DNAJB4: variants seen among roughly 807,000 people sequenced by gnomAD.
DNAJB4 encodes the protein dnaJ homolog subfamily B member 4.
Under a neutral mutation model 26.6 loss-of-function variants are expected in DNAJB4, and 10 were observed. The observed-to-expected ratio is 0.38, with a 90% CI of 0.23 to 0.64. The LOEUF (loss-of-function observed/expected upper bound fraction) is 0.64, where lower values mean the gene tolerates loss of function less well. Among genes scored for constraint, DNAJB4 ranks in the 30% least tolerant of loss-of-function variants. The probability of loss-of-function intolerance (pLI) is 0.58; values close to 1 mark genes in which losing one functional copy is unlikely to be tolerated. For missense variants in DNAJB4, 328 were observed against 408.2 expected (o/e 0.80, Z 1.69); for synonymous variants, 136 against 134.8 (o/e 1.01, Z -0.06).
intron 2 of DNAJB4, among the ~76,000 whole-genome samples, chr1:78,015,040 G>T (rs1660597988): frequency 6.6e-6 from 1 of 152,170 alleles, no homozygotes; most frequent in East Asian, 1.9e-4. Flanking sequence ...AAGGGGTTAA[G>T]TTGGGTGCTC....
At chr1:77,996,609 C>T (rs1453963174) in intron 1 of DNAJB4, among the ~76,000 whole-genome samples, 2 of 151,864 alleles carry the variant, frequency 1.3e-5, no homozygotes, top group Non-Finnish European at 2.9e-5. Flanking sequence ...TTAAAGACCA[C>T]TAGACAAAAA....
chr1:78,013,145 CG>C lies in DNAJB4; in HGVS notation c.308del (p.Gly103GlufsTer25), dbSNP rs769068282. 6 of 1,613,958 alleles carry C rather than the reference CG, an allele frequency of 3.7e-6. No homozygotes were observed. The highest frequency in any genetic ancestry group is 5.1e-6 in the Non-Finnish European group (6 of 1,180,008). The stretch of plus-strand genomic sequence containing the variant: ...CTCATGCTACATTTGCTGCATTTTT[CG>C]GAGGGTCCAACCCCTTTGAAATTTT... ...DPHATFAAFF[G>X]GSNPFEIFFG... On this transcript the variant is annotated frameshift_variant, in exon 2 of 3. Transcript: ENST00000370763. LOFTEE classifies it high-confidence loss of function.
chr1:77,990,355 C>G (rs1443229566), intron 1 of DNAJB4, among the ~76,000 whole-genome samples: 3 of 152,226 alleles, frequency 2.0e-5, no homozygotes, highest in Non-Finnish European at 4.4e-5. Flanking sequence ...AGGATCCTTT[C>G]TAAATATTTG....
intron 2 of DNAJB4, 74 bp from the exon 3 acceptor site, chr1:78,015,940 C>A: frequency 8.0e-7 from 1 of 1,247,310 alleles, no homozygotes; most frequent in Non-Finnish European, 1.1e-6. Context: ...TTATCCTTTA[C>A]CATCTGGTAA....
chr1:78,005,714 AAG>A, intron 1 of DNAJB4, among the ~76,000 whole-genome samples: 1 of 152,230 alleles, frequency 6.6e-6, no homozygotes, highest in East Asian at 1.9e-4. Flanking sequence ...AGAACCAATA[AAG>A]AGTCTTTAGT....
At chr1:78,003,370 C>G (rs1270424214), upstream of DNAJB4, among the ~76,000 whole-genome samples, 10 of 152,030 alleles carry the variant, frequency 6.6e-5, no homozygotes, top group Admixed American at 6.6e-4. Flanking sequence ...TAGGCTAGAT[C>G]AATGTTATAC....
chr1:78,006,020 A>T (rs937846634), intron 1 of DNAJB4, among the ~76,000 whole-genome samples: 1 of 152,220 alleles, frequency 6.6e-6, no homozygotes, highest in Non-Finnish European at 1.5e-5. Flanking sequence ...ACAATTTTTG[A>T]CCTAAAATGG....
rs534525442 is a variant in DNAJB4 at position 77,985,515 on chromosome 1, T to G, written c.-32+5193T>G. Among the ~76,000 whole-genome samples, 7 of 152,340 alleles carry G rather than the reference T, an allele frequency of 4.6e-5. No individual in the cohort carries two copies. In the South Asian group the frequency reaches 1.4e-3, roughly 32 times the overall value. On this transcript the variant is annotated intron_variant, in intron 1 of 2. Transcript: ENST00000426517. ...TAATCATTGTTTATGCCAGGTTATCTAATTGTAGCAATAATATAAATACTA... is the reference window on the plus strand; with the variant it reads ...TAATCATTGTTTATGCCAGGTTATCGAATTGTAGCAATAATATAAATACTA...
chr1:78,012,965 C>T, intron 1 of DNAJB4, 86 bp from the exon 2 acceptor site: 2 of 1,258,958 alleles, frequency 1.6e-6, no homozygotes, highest in South Asian at 1.8e-5. Context: ...GTAAGTTAGC[C>T]AAAATTTATT....
intron 2 of DNAJB4, 21 bp from the exon 3 acceptor site, chr1:78,015,993 A>T: frequency 6.3e-7 from 1 of 1,599,736 alleles, no homozygotes; most frequent in Non-Finnish European, 8.5e-7. Context: ...TTTTCATTTT[A>T]TTTTATTTGG....
chr1:77,980,755 G>C (rs34128192), intron 1 of DNAJB4, among the ~76,000 whole-genome samples: 1 of 152,144 alleles, frequency 6.6e-6, no homozygotes, highest in Non-Finnish European at 1.5e-5. Flanking sequence ...CAAAATAGCA[G>C]TTAATATGAA....
intron 1 of DNAJB4, among the ~76,000 whole-genome samples, chr1:77,993,019 C>T (rs923673177): frequency 2.6e-5 from 4 of 151,972 alleles, no homozygotes; most frequent in East Asian, 1.9e-4. Flanking sequence ...CCACCGCGCC[C>T]GGCCTATTTC....
chr1:77,986,668 T>G (rs892646935), intron 1 of DNAJB4, among the ~76,000 whole-genome samples: 15 of 152,224 alleles, frequency 9.9e-5, no homozygotes, highest in African/African-American at 3.6e-4. Flanking sequence ...TTCTTTAACC[T>G]TTTTTGAGTT....
In DNAJB4 at chr1:78,005,034, T is replaced by C. The variant is rs957545850; in HGVS notation, c.-77T>C. ...AAATACCCAGCTTGGTTTATTTTTC[T>C]TAGAATCTGTTGCTAAGACTGGGGA... On this transcript the variant is annotated 5_prime_UTR_variant, in exon 1 of 3. Coordinates refer to ENST00000370763, the MANE Select transcript of DNAJB4 (RefSeq NM_007034.5). 1.4e-6 allele frequency: 2 copies of C among 1,444,782 alleles called. No homozygotes were observed. The highest frequency in any genetic ancestry group is 1.9e-6 in the Non-Finnish European group (2 of 1,055,126). 89.5% of individuals were successfully genotyped at this position (1,444,782 alleles called of 1,614,324 possible).
chr1:77,981,921 T>C (rs984827465), intron 1 of DNAJB4, among the ~76,000 whole-genome samples: 3 of 152,200 alleles, frequency 2.0e-5, no homozygotes, highest in African/African-American at 7.2e-5. Flanking sequence ...CAGGGCATCA[T>C]AGGATATATA....
chr1:78,014,301 T>C (rs1346750213), intron 2 of DNAJB4, among the ~76,000 whole-genome samples: 1 of 151,948 alleles, frequency 6.6e-6, no homozygotes, highest in Non-Finnish European at 1.5e-5. Flanking sequence ...AGACACAGGG[T>C]TTTACCATGT....
chr1:78,009,240 A>G (rs1192311423), intron 1 of DNAJB4, among the ~76,000 whole-genome samples: 1 of 152,378 alleles, frequency 6.6e-6, no homozygotes, highest in Non-Finnish European at 1.5e-5. Flanking sequence ...ATTTTTACAT[A>G]TTAGATCTCC....
intron 1 of DNAJB4, chr1:77,980,357 G>A (rs1315363161): frequency 9.2e-5 from 14 of 151,676 alleles, no homozygotes; most frequent in Admixed American, 1.3e-4. Flanking sequence ...GTGTGTGTGT[G>A]TGTGTGTGTG....
At chr1:77,983,380 C>T (rs949935053) in intron 1 of DNAJB4, among the ~76,000 whole-genome samples, 8 of 152,152 alleles carry the variant, frequency 5.3e-5, no homozygotes, top group African/African-American at 1.7e-4. Context: ...AAGAGGCATG[C>T]CTTCCTCTTA....
Sources: allele counts gnomAD v4.1 joint callset (sites outside exome capture counted in the v4.1 genomes callset), GRCh38; gene constraint gnomAD v4.1.1; transcripts MANE v1.5; gene names NCBI Gene and HGNC (gene_info 2026-07-23, HGNC 2026-07-21).